The following MEI4 variants were observed in gnomAD, a reference collection of about 807,000 sequenced individuals.
MEI4 encodes the protein meiotic double-stranded break formation protein 4.
In MEI4, 27 loss-of-function variants were observed where a neutral mutation model predicts 31.4. The observed-to-expected ratio is 0.86, with a 90% CI of 0.63 to 1.19. The LOEUF (loss-of-function observed/expected upper bound fraction) is 1.19, where lower values mean the gene tolerates loss of function less well. Ranked by LOEUF, MEI4 falls within the 50% of genes most tolerant of loss-of-function variation. The pLI, the probability that MEI4 is intolerant of heterozygous loss-of-function variation, is 0.00. For missense variants in MEI4, 329 were observed against 398.9 expected, an observed-to-expected ratio of 0.82 and a Z score of 1.49; for synonymous variants, 122 against 145.4, an observed-to-expected ratio of 0.84 and a Z score of 1.16.
intron 3 of MEI4, among the ~76,000 whole-genome samples, chr6:77,811,397 T>C (rs1219338305): frequency 6.6e-6 from 1 of 152,210 alleles, no homozygotes; most frequent in Non-Finnish European, 1.5e-5. Flanking sequence ...TGTTTTGATA[T>C]GTGTTCATAG....
At position 77,919,723 on chromosome 6, in the gene MEI4, A is replaced by C. The variant is rs576371119; in HGVS notation, c.901-3366A>C. Reference sequence around the variant, plus strand: ...ATGAATCCAGGAGCTGGTTTTTTGAAAGGATCAACAAAATTGATAGACCTC... The same window carrying C: ...ATGAATCCAGGAGCTGGTTTTTTGACAGGATCAACAAAATTGATAGACCTC... On this transcript the variant is annotated intron_variant, in intron 4 of 4. Transcript: ENST00000684080. Among the ~76,000 whole-genome samples the C allele has an allele frequency of 9.5e-3, 1,423 of 150,196 alleles. 17 individuals carry two copies. The highest frequency in any genetic ancestry group is 0.032 in the African/African-American group (1,322 of 41,120).
Position 77,925,811 on chromosome 6 carries a change from T to A in MEI4, c.*2465T>A, listed in dbSNP as rs1224328582. ...GAGAGTAAATATATATTAAATATTTTATATACATTTATATAATAAAATATA... is the reference window on the plus strand; with the variant it reads ...GAGAGTAAATATATATTAAATATTTAATATACATTTATATAATAAAATATA... On this transcript the variant is annotated 3_prime_UTR_variant, in exon 5 of 5. Transcript: ENST00000684080. The A allele has an allele frequency of 4.9e-4, 73 of 148,262 alleles. No individual in the cohort carries two copies. The East Asian group carries it at 0.012, about 25-fold the overall frequency. The allele number at this position is 148,262 out of a possible 1,614,324, so 9.2% of individuals were successfully genotyped here. A position where few individuals can be genotyped will look rare whatever the true frequency, so the allele number is the denominator to read the frequency against.
At chr6:77,785,869 T>A (rs1321917647) in intron 3 of MEI4, among the ~76,000 whole-genome samples, 2 of 152,028 alleles carry the variant, frequency 1.3e-5, no homozygotes, top group Non-Finnish European at 2.9e-5. Context: ...TTAACCAGAG[T>A]CCCTAATCCT....
At chr6:77,773,006 G>A (rs1768353720) in intron 3 of MEI4, among the ~76,000 whole-genome samples, 1 of 151,942 alleles carries the variant, frequency 6.6e-6, no homozygotes, top group South Asian at 2.1e-4. Context: ...TGTCTTCAAT[G>A]AAAACTGTAA....
At chr6:77,920,985 T>C (rs1182822965) in intron 4 of MEI4, among the ~76,000 whole-genome samples, 1 of 151,904 alleles carries the variant, frequency 6.6e-6, no homozygotes, top group Non-Finnish European at 1.5e-5. Context: ...GTTGAAATGG[T>C]AAATGTGCAC....
intron 1 of MEI4, among the ~76,000 whole-genome samples, chr6:77,666,709 G>C (rs1036051335): frequency 1.3e-5 from 2 of 152,120 alleles, no homozygotes; most frequent in South Asian, 4.1e-4. Flanking sequence ...GCTTCTTTAC[G>C]ATATATTTGA....
At chr6:77,897,346 C>A (rs1353765843) in intron 4 of MEI4, among the ~76,000 whole-genome samples, 1 of 151,958 alleles carries the variant, frequency 6.6e-6, no homozygotes, top group East Asian at 1.9e-4. Flanking sequence ...TTTCTTTTTA[C>A]GATTCTTGTA....
chr6:77,876,678 T>C (rs1311906437), intron 4 of MEI4, among the ~76,000 whole-genome samples: 1 of 152,162 alleles, frequency 6.6e-6, no homozygotes, highest in Non-Finnish European at 1.5e-5. Context: ...TAGTTTCCTC[T>C]GCCTTCCCTT....
At chr6:77,694,409 C>T (rs578080109) in intron 2 of MEI4, among the ~76,000 whole-genome samples, 4 of 151,186 alleles carry the variant, frequency 2.6e-5, no homozygotes, top group Non-Finnish European at 5.9e-5. Context: ...CTATCCCTCC[C>T]CCTTCCCCCC....
intron 2 of MEI4, among the ~76,000 whole-genome samples, chr6:77,754,221 T>C (rs780723107): frequency 3.9e-5 from 6 of 152,272 alleles, no homozygotes; most frequent in South Asian, 2.1e-4. Context: ...CTGCATGTTC[T>C]GCACATGTAC....
intron 3 of MEI4, among the ~76,000 whole-genome samples, chr6:77,809,699 A>G (rs1561998057): frequency 6.6e-6 from 1 of 152,314 alleles, no homozygotes; most frequent in Non-Finnish European, 1.5e-5. Flanking sequence ...ATTCTCCAGT[A>G]GTCATTCTAT....
At chr6:77,885,421 G>A (rs567770941) in intron 4 of MEI4, among the ~76,000 whole-genome samples, 3 of 151,980 alleles carry the variant, frequency 2.0e-5, no homozygotes, top group South Asian at 4.2e-4. Context: ...CAAACTGCTC[G>A]GCTCAAGCAA....
chr6:77,709,766 T>C (rs1766415739), intron 2 of MEI4, among the ~76,000 whole-genome samples: 2 of 152,220 alleles, frequency 1.3e-5, no homozygotes, highest in Non-Finnish European at 1.5e-5. Context: ...TTCATACAAA[T>C]TATATGGCAT....
At chr6:77,722,079 A>AT (rs1766720345) in intron 2 of MEI4, among the ~76,000 whole-genome samples, 1 of 128,380 alleles carries the variant, frequency 7.8e-6, no homozygotes, top group Non-Finnish European at 1.7e-5. Flanking sequence ...GTAAAGGCAA[A>AT]TTTTTCACAA....
chr6:77,896,131 A>C (rs1206882556), intron 4 of MEI4, among the ~76,000 whole-genome samples: 1 of 151,550 alleles, frequency 6.6e-6, no homozygotes, highest in African/African-American at 2.4e-5. Context: ...GTGCAGCTGC[A>C]AGGTACAGTT....
In MEI4 at chr6:77,830,929, G is replaced by T. The variant is rs183591604; in HGVS notation, c.900+1867G>T. 1.4e-3 allele frequency among the ~76,000 whole-genome samples: 212 copies of T among 151,984 alleles called. 1 individual carries two copies. Among genetic ancestry groups the T allele is most frequent in the African/African-American group, 4.5e-3 (186 of 41,510 alleles). On this transcript the variant is annotated intron_variant, in intron 4 of 4. Transcript: ENST00000684080. ...GAATATATCAAGGCAAAATGCTTCT[G>T]CACAGCAAAGGAAACAATTAGCCAA... is the stretch of plus-strand genomic sequence containing the variant.
intron 2 of MEI4, among the ~76,000 whole-genome samples, chr6:77,726,843 A>T (rs1561959645): frequency 6.6e-6 from 1 of 152,228 alleles, no homozygotes; most frequent in Non-Finnish European, 1.5e-5. Flanking sequence ...AAGCTTATTT[A>T]ATAACTGACT....
At chr6:77,857,632 A>ATT (rs1290011002) in intron 4 of MEI4, among the ~76,000 whole-genome samples, 1 of 152,148 alleles carries the variant, frequency 6.6e-6, no homozygotes, top group East Asian at 1.9e-4. Context: ...GTCACTTTAA[A>ATT]TCACTGGGGC....
chr6:77,848,762 G>T (rs1409130590), intron 4 of MEI4, among the ~76,000 whole-genome samples: 2 of 152,172 alleles, frequency 1.3e-5, no homozygotes, highest in Non-Finnish European at 2.9e-5. Flanking sequence ...AATTATGATT[G>T]CAGTACTAAC....
Sources: allele counts gnomAD v4.1 joint callset (sites outside exome capture counted in the v4.1 genomes callset), GRCh38; gene constraint gnomAD v4.1.1; transcripts MANE v1.5; gene names NCBI Gene and HGNC (gene_info 2026-07-23, HGNC 2026-07-21).